The following DMD variants were observed in gnomAD, a reference collection of about 807,000 sequenced individuals.
The protein encoded by DMD is mutant dystrophin.
A neutral mutation model predicts 330.1 loss-of-function variants in DMD; 63 were observed. That is an observed-to-expected ratio of 0.19 (90% CI 0.16 to 0.24). The LOEUF (loss-of-function observed/expected upper bound fraction) is 0.24, where lower values mean the gene tolerates loss of function less well. Among genes scored for constraint, DMD ranks in the 10% least tolerant of loss-of-function variants. The pLI is 1.00. For synonymous variants in DMD, 1,223 were observed against 959.8 expected, an observed-to-expected ratio of 1.27 and a Z score of -5.07; for missense variants, 3,344 against 2,684.1, an observed-to-expected ratio of 1.25 and a Z score of -5.43.
chrX:31,477,816 C>T (rs2149251036), intron 59 of DMD, among the ~76,000 whole-genome samples: 1 of 111,169 alleles, frequency 9.0e-6, no homozygotes, highest in East Asian at 2.8e-4. Flanking sequence ...CACACACACA[C>T]ACACACACAC....
At chrX:32,592,216 G>A (rs1403197552) in intron 13 of DMD, among the ~76,000 whole-genome samples, 1 of 111,280 alleles carries the variant, frequency 9.0e-6, no homozygotes, top group East Asian at 2.9e-4. Flanking sequence ...AAGCCTGGGG[G>A]CTGGGCTGCC....
intron 12 of DMD, among the ~76,000 whole-genome samples, chrX:32,608,591 G>C (rs1369256831): frequency 9.1e-6 from 1 of 110,123 alleles, no homozygotes; most frequent in Admixed American, 9.7e-5. Flanking sequence ...TTTTTTTGCT[G>C]TATGCCCAAC....
chrX:31,266,307 G>C (rs1050412302), intron 62 of DMD, among the ~76,000 whole-genome samples: 1 of 110,853 alleles, frequency 9.0e-6, no homozygotes, highest in African/African-American at 3.3e-5. Flanking sequence ...AAAATGCAGC[G>C]AGGGAAATGT....
intron 45 of DMD, among the ~76,000 whole-genome samples, chrX:31,963,968 A>G (rs1290533207): frequency 9.0e-6 from 1 of 110,797 alleles, no homozygotes; most frequent in Non-Finnish European, 1.9e-5. Flanking sequence ...TGACATTATA[A>G]TGCAAGATCT....
chrX:31,325,606 C>T (rs996910136), intron 61 of DMD, among the ~76,000 whole-genome samples: 6 of 111,114 alleles, frequency 5.4e-5, no homozygotes, highest in Non-Finnish European at 9.4e-5. Flanking sequence ...AAGAGCAAAA[C>T]TCCAACTGAA....
intron 47 of DMD, among the ~76,000 whole-genome samples, chrX:31,880,394 TA>T (rs1378312676): frequency 6.3e-5 from 7 of 111,028 alleles, no homozygotes; most frequent in South Asian, 3.7e-4. Context: ...TTTTAGCATA[TA>T]AAAAAATCTT....
intron 2 of DMD, among the ~76,000 whole-genome samples, chrX:32,861,762 G>A (rs912954117): frequency 1.8e-5 from 2 of 111,667 alleles, no homozygotes; most frequent in Non-Finnish European, 3.8e-5. Flanking sequence ...AGAGGGCAAA[G>A]GAGCCTGTTG....
chrX:32,639,219 G>A (rs751983850), intron 11 of DMD, among the ~76,000 whole-genome samples: 1 of 111,826 alleles, frequency 8.9e-6, no homozygotes. Flanking sequence ...GCTCTCTGCA[G>A]GTTGCATTTT....
At chrX:32,431,769 C>T (rs1047175316) in intron 29 of DMD, among the ~76,000 whole-genome samples, 2 of 110,651 alleles carry the variant, frequency 1.8e-5, no homozygotes, top group Non-Finnish European at 3.8e-5. Context: ...TTATTTTATA[C>T]TATACATCTT....
intron 44 of DMD, among the ~76,000 whole-genome samples, chrX:31,991,232 C>T (rs182583321): frequency 8.1e-5 from 9 of 111,011 alleles, no homozygotes; most frequent in Admixed American, 1.9e-4. Flanking sequence ...AGGAGACAAA[C>T]GATATGATAA....
intron 7 of DMD, among the ~76,000 whole-genome samples, chrX:32,798,335 T>A (rs1386498276): frequency 8.9e-6 from 1 of 111,787 alleles, no homozygotes; most frequent in Non-Finnish European, 1.9e-5. Context: ...TCAGTTTTTT[T>A]ATGGTATCTG....
At position 32,212,895 on chromosome X, in the gene DMD, C is replaced by A. The variant is rs186343482; in HGVS notation, c.6438+4021G>T. Among the ~76,000 whole-genome samples the A allele has an allele frequency of 7.2e-5, 8 of 110,573 alleles. No individual in the cohort carries two copies. In the East Asian group the frequency reaches 2.3e-3, roughly 32 times the overall value. ...ACTTAATTTTGTCTTTTACTTGCGA[C>A]AGAGGAAAAAAAATAGAGTTGCATG... is the stretch of plus-strand genomic sequence containing the variant. On this transcript the variant is annotated intron_variant, in intron 44 of 78. Transcript: ENST00000357033.
intron 2 of DMD, among the ~76,000 whole-genome samples, chrX:32,853,888 A>G (rs2081343785): frequency 1.8e-5 from 2 of 111,138 alleles, no homozygotes; most frequent in South Asian, 7.6e-4. Flanking sequence ...ATGTAAAAAG[A>G]TATTCCATGT....
chrX:31,816,794 T>TCTCTCACACACACACACACA (rs1556914952), intron 50 of DMD, among the ~76,000 whole-genome samples: 26 of 85,363 alleles, frequency 3.0e-4, no homozygotes, highest in African/African-American at 1.0e-3. Flanking sequence ...CAAGATTCTG[T>TCTCTCACACACACACACACA]CACACACACA....
At chrX:32,568,822 A>C (rs925202800) in intron 15 of DMD, among the ~76,000 whole-genome samples, 1 of 111,845 alleles carries the variant, frequency 8.9e-6, no homozygotes, top group African/African-American at 3.3e-5. Context: ...GATACATTAG[A>C]TCATAGAATT....
chrX:31,557,392 A>G, intron 55 of DMD, among the ~76,000 whole-genome samples: 1 of 111,755 alleles, frequency 8.9e-6, no homozygotes, highest in Non-Finnish European at 1.9e-5. Context: ...AAACATCATT[A>G]TTAAACTGAT....
At chrX:32,476,323 G>T (rs187953526) in intron 21 of DMD, among the ~76,000 whole-genome samples, 1 of 111,316 alleles carries the variant, frequency 9.0e-6, no homozygotes, top group East Asian at 2.8e-4. Context: ...ATTAAAACAT[G>T]CATATTTTAA....
intron 17 of DMD, 85 bp from the exon 18 acceptor site, chrX:32,518,216 T>G: frequency 2.0e-6 from 2 of 977,163 alleles, no homozygotes; most frequent in Non-Finnish European, 2.9e-6. Flanking sequence ...ACATTTATCA[T>G]TCTTTTCTCA....
chrX:31,837,366 C>T (rs1034297993), intron 48 of DMD, among the ~76,000 whole-genome samples: 1 of 111,298 alleles, frequency 9.0e-6, no homozygotes, highest in South Asian at 3.7e-4. Flanking sequence ...TTCTGAAGAA[C>T]GATTAATTTT....
Sources: allele counts gnomAD v4.1 joint callset (sites outside exome capture counted in the v4.1 genomes callset), GRCh38; gene constraint gnomAD v4.1.1; transcripts MANE v1.5; gene names NCBI Gene and HGNC (gene_info 2026-07-23, HGNC 2026-07-21).